The following MGMT variants were observed in gnomAD, a reference collection of about 807,000 sequenced individuals.
The protein encoded by MGMT is methylated-DNA--protein-cysteine methyltransferase.
A neutral mutation model predicts 15.9 loss-of-function variants in MGMT; 14 were observed. The observed-to-expected ratio is 0.88, with a 90% CI of 0.58 to 1.37. The LOEUF (loss-of-function observed/expected upper bound fraction) is 1.37. MGMT is among the 40% of genes most tolerant of loss of function. The pLI, the probability that MGMT is intolerant of heterozygous loss-of-function variation, is 0.00. For missense variants in MGMT, 282 were observed against 268.1 expected, an observed-to-expected ratio of 1.05 and a Z score of -0.36; for synonymous variants, 130 against 118.2, an observed-to-expected ratio of 1.10 and a Z score of -0.65.
At chr10:129,646,749 TATATA>T (rs1847396574) in intron 2 of MGMT, among the ~76,000 whole-genome samples, 5 of 112,232 alleles carry the variant, frequency 4.5e-5, no homozygotes, top group Admixed American at 9.7e-5. Flanking sequence ...TATATATATA[TATATA>T]TTTTCAGGGA....
intron 2 of MGMT, among the ~76,000 whole-genome samples, chr10:129,665,128 T>TCCACTCCTTCAGTCACCCAC (rs56957329): frequency 0.34 from 43,258 of 128,350 alleles, 8,295 homozygotes; most frequent in Non-Finnish European, 0.4. Flanking sequence ...CACCCACCCA[T>TCCACTCCTTCAGTCACCCAC]CCACTCCTTC....
chr10:129,617,505 A>T (rs945800559), intron 2 of MGMT, among the ~76,000 whole-genome samples: 2 of 152,190 alleles, frequency 1.3e-5, no homozygotes, highest in African/African-American at 4.8e-5. Flanking sequence ...AAGTCACCAA[A>T]CTGCTTTCCA....
chr10:129,551,831 G>C (rs537577027), intron 2 of MGMT, among the ~76,000 whole-genome samples: 4 of 152,310 alleles, frequency 2.6e-5, no homozygotes, highest in African/African-American at 9.6e-5. Flanking sequence ...AGCCTCCTGT[G>C]CCTGGCCTGC....
intron 1 of MGMT, among the ~76,000 whole-genome samples, chr10:129,534,407 C>T (rs976289236): frequency 6.6e-5 from 10 of 152,014 alleles, no homozygotes; most frequent in South Asian, 2.1e-4. Context: ...GAATGGGATC[C>T]GGTTCAAATC....
chr10:129,673,988 T>C (rs1025269199), intron 2 of MGMT, among the ~76,000 whole-genome samples: 7 of 152,202 alleles, frequency 4.6e-5, no homozygotes, highest in African/African-American at 1.7e-4. Context: ...TGAATTTTAA[T>C]TCCTGAGACC....
intron 2 of MGMT, among the ~76,000 whole-genome samples, chr10:129,681,326 G>T (rs1001627667): frequency 1.3e-5 from 2 of 152,138 alleles, no homozygotes; most frequent in African/African-American, 4.8e-5. Flanking sequence ...GTTTTCCTTA[G>T]TATGGCTCAG....
intron 2 of MGMT, among the ~76,000 whole-genome samples, chr10:129,684,565 G>A (rs2133122804): frequency 6.6e-6 from 1 of 152,306 alleles, no homozygotes; most frequent in South Asian, 2.1e-4. Context: ...TAAAGTCTGT[G>A]AATACACGTA....
chr10:129,732,100 C>A (rs975245320), intron 3 of MGMT, among the ~76,000 whole-genome samples: 2 of 152,160 alleles, frequency 1.3e-5, no homozygotes, highest in South Asian at 2.1e-4. Context: ...AAGTCCATTT[C>A]TTTTACTCTA....
intron 2 of MGMT, among the ~76,000 whole-genome samples, chr10:129,597,236 C>T (rs904129582): frequency 1.3e-5 from 2 of 152,128 alleles, no homozygotes; most frequent in South Asian, 2.1e-4. Context: ...ACAAATTGCA[C>T]CATTGTTATG....
At chr10:129,535,494 A>G (rs1477007818) in intron 1 of MGMT, among the ~76,000 whole-genome samples, 1 of 152,192 alleles carries the variant, frequency 6.6e-6, no homozygotes, top group African/African-American at 2.4e-5. Context: ...AGCAGCTGGA[A>G]CTACAGGTGT....
At chr10:129,610,477 A>G (rs1846946588) in intron 2 of MGMT, among the ~76,000 whole-genome samples, 1 of 152,236 alleles carries the variant, frequency 6.6e-6, no homozygotes, top group Non-Finnish European at 1.5e-5. Flanking sequence ...CACCCTGCAC[A>G]TGGCTGGCCC....
At chr10:129,483,591 G>T (rs943469166) in intron 1 of MGMT, among the ~76,000 whole-genome samples, 1 of 151,970 alleles carries the variant, frequency 6.6e-6, no homozygotes, top group African/African-American at 2.4e-5. Context: ...ATTGTGTTCT[G>T]CCTTGCATAG....
Position 129,556,980 on chromosome 10 carries a change from G to A in MGMT, c.125+20603G>A, listed in dbSNP as rs564389793. On this transcript the variant is annotated intron_variant, in intron 2 of 4. Coordinates refer to ENST00000651593, the MANE Select transcript of MGMT (RefSeq NM_002412.5). The surrounding 1 kb of genome is among the most constrained non-coding windows in gnomAD (Gnocchi z 4.3). ...TCTTTCAGAACGTTTGTGCGGTGGCGTGTCCCTTCTGTAAATTGCTGTGAC... is the reference window on the plus strand; with the variant it reads ...TCTTTCAGAACGTTTGTGCGGTGGCATGTCCCTTCTGTAAATTGCTGTGAC... Among the ~76,000 whole-genome samples, 30 of 152,094 alleles carry A rather than the reference G, an allele frequency of 2.0e-4. No individual in the cohort carries two copies. The highest frequency in any genetic ancestry group is 6.5e-4 in the Admixed American group (10 of 15,270).
chr10:129,611,737 G>A (rs889667456), intron 2 of MGMT, among the ~76,000 whole-genome samples: 23 of 152,142 alleles, frequency 1.5e-4, no homozygotes, highest in African/African-American at 4.6e-4. Flanking sequence ...TCCCGGGTGC[G>A]CTCTGGGGGG....
intron 3 of MGMT, among the ~76,000 whole-genome samples, chr10:129,725,685 C>T (rs928062272): frequency 3.3e-5 from 5 of 152,236 alleles, no homozygotes; most frequent in African/African-American, 1.2e-4. Flanking sequence ...CAGGCTACAG[C>T]CTGCAGGATG....
intron 3 of MGMT, among the ~76,000 whole-genome samples, chr10:129,711,984 T>C (rs1002744493): frequency 6.6e-6 from 1 of 152,250 alleles, no homozygotes; most frequent in Non-Finnish European, 1.5e-5. Flanking sequence ...CTGGAGAAGC[T>C]GTAGGGGTCA....
chr10:129,476,403 C>T (rs1365111989), intron 1 of MGMT, among the ~76,000 whole-genome samples: 1 of 152,224 alleles, frequency 6.6e-6, no homozygotes, highest in Non-Finnish European at 1.5e-5. Context: ...TGAGACGCTT[C>T]TCCCCCAGCT....
chr10:129,745,940 TTAACAC>T (rs796403952), intron 3 of MGMT, among the ~76,000 whole-genome samples: 4 of 152,228 alleles, frequency 2.6e-5, no homozygotes, highest in African/African-American at 9.6e-5. Context: ...TTTTATTCTC[TTAACAC>T]TGACTTTCAG....
chr10:129,467,388 T>A (rs1845180669), intron 1 of MGMT, 92 bp downstream of exon 1: 1 of 1,387,808 alleles, frequency 7.2e-7, no homozygotes, highest in Non-Finnish European at 9.3e-7. Context: ...CGCCCTCACT[T>A]CGCCGTCGGG....
Sources: gnomAD v4.1 joint callset for allele counts (sites outside exome capture counted in the v4.1 genomes callset) on GRCh38, gnomAD v4.1.1 for gene constraint, Gnocchi (gnomAD v3.1) non-coding constraint, MANE v1.5 for transcripts, NCBI Gene and HGNC (gene_info 2026-07-23, HGNC 2026-07-21) for gene names.